Variants in TAF3 observed in about 807,000 individuals in gnomAD.
TAF3 encodes the protein TATA-box binding protein associated factor 3, also known as transcription initiation factor TFIID subunit 3.
TAF3 carries 7 observed loss-of-function variants against 80.6 expected under a neutral mutation model. The observed-to-expected ratio is 0.09, with a 90% CI of 0.05 to 0.16. TAF3 has a LOEUF of 0.16. Ranked by LOEUF, TAF3 falls within the 10% of genes least tolerant of loss-of-function variation. The pLI is 1.00. For missense variants in TAF3, 921 were observed against 1,140.2 expected, an observed-to-expected ratio of 0.81 and a Z score of 2.77; for synonymous variants, 444 against 446.1, an observed-to-expected ratio of 1.00 and a Z score of 0.06.
chr10:7,976,396 G>T (rs1373328664), intron 3 of TAF3, among the ~76,000 whole-genome samples: 1 of 150,302 alleles, frequency 6.7e-6, no homozygotes, highest in Non-Finnish European at 1.5e-5. Flanking sequence ...ACAGGCACCC[G>T]CCACCATGAC....
chr10:7,964,170 T>C lies in TAF3; in HGVS notation c.660T>C (p.Asn220=). The change falls in exon 3 of 7, where the codon AAT becomes AAC. Residue 220 remains asparagine (N), a synonymous_variant. Transcript: ENST00000344293. This position sits in a 1 kb window ranked among gnomAD's most constrained non-coding sequence, Gnocchi z 4.1. ...CTCGAGAGCCACTCAGCTCAATAAATACTCAAAAGATCCCACCAATGCTTT... is the reference window on the plus strand; with the variant it reads ...CTCGAGAGCCACTCAGCTCAATAAACACTCAAAAGATCCCACCAATGCTTT... ...LEAREPLSSI[N]TQKIPPMLSP... 3 of 1,614,150 alleles carry C rather than the reference T, an allele frequency of 1.9e-6. No individual in the cohort carries two copies. Among genetic ancestry groups the C allele is most frequent in the Non-Finnish European group, 2.5e-6 (3 of 1,180,024 alleles).
At chr10:7,957,302 A>C (rs1326239259) in intron 2 of TAF3, among the ~76,000 whole-genome samples, 5 of 152,128 alleles carry the variant, frequency 3.3e-5, no homozygotes, top group Admixed American at 1.3e-4. Context: ...TGGGGAGATT[A>C]GGGCAGACGG....
At chr10:8,001,731 C>G (rs911378929) in intron 4 of TAF3, among the ~76,000 whole-genome samples, 1 of 151,958 alleles carries the variant, frequency 6.6e-6, no homozygotes, top group South Asian at 2.1e-4. Flanking sequence ...ATTTTTAAGA[C>G]GTTTAGAATT....
intron 1 of TAF3, among the ~76,000 whole-genome samples, chr10:7,820,591 C>T (rs1836681355): frequency 6.6e-6 from 1 of 152,356 alleles, no homozygotes; most frequent in Non-Finnish European, 1.5e-5. Flanking sequence ...AACTTCAGGG[C>T]TCAAGTGATC....
intron 1 of TAF3, 130 bp downstream of exon 1, chr10:7,819,005 C>G: frequency 1.0e-6 from 1 of 962,628 alleles, no homozygotes; most frequent in Non-Finnish European, 1.4e-6. Context: ...TTTCCTCGGC[C>G]TCCCACGTCC....
intron 4 of TAF3, among the ~76,000 whole-genome samples, chr10:7,987,350 T>TA (rs2131425798): frequency 6.6e-6 from 1 of 152,256 alleles, no homozygotes; most frequent in East Asian, 1.9e-4. Context: ...AGAATTATCT[T>TA]ACACATACTG....
chr10:7,934,038 C>G (rs539199961), intron 2 of TAF3, among the ~76,000 whole-genome samples: 2 of 152,268 alleles, frequency 1.3e-5, no homozygotes, highest in East Asian at 3.9e-4. Context: ...TCATTGAGCA[C>G]AAAATGCCAC....
chr10:7,986,070 C>G (rs1015003200), intron 4 of TAF3, among the ~76,000 whole-genome samples: 2 of 152,134 alleles, frequency 1.3e-5, no homozygotes, highest in African/African-American at 4.8e-5. Context: ...AGGCATGAGC[C>G]CCCATGCCCA....
rs140360860 is a variant in TAF3, at chr10:7,893,688, C to T, written c.409+69128C>T. Among the ~76,000 whole-genome samples, 564 of 152,250 alleles carry T rather than the reference C, an allele frequency of 3.7e-3. 4 individuals carry two copies. The highest frequency in any genetic ancestry group is 0.02 in the South Asian group (95 of 4,822). ...CTTCTTATCATCCCTTTGCTTCTAG[C>T]GTAGGCCTGGCCTATCTGTGTATGC... On this transcript the variant is annotated intron_variant, in intron 2 of 6. Coordinates refer to ENST00000344293, the MANE Select transcript of TAF3 (RefSeq NM_031923.4).
chr10:7,983,440 A>G (rs1831746055), intron 4 of TAF3, among the ~76,000 whole-genome samples: 3 of 152,210 alleles, frequency 2.0e-5, no homozygotes, highest in South Asian at 4.1e-4. Flanking sequence ...TGGTTGGTGT[A>G]CAAAAGGATA....
In TAF3 at chr10:8,009,508, A is replaced by G. The variant is rs1240222339; in HGVS notation, c.2568+178A>G. ...CAGGCTGGAGTACAGTGGCCCAATC[A>G]TAGCTCACTGCAACCTCAAACTCCT... On this transcript the variant is annotated intron_variant, in intron 5 of 6. Transcript: ENST00000344293. The surrounding 1 kb of genome is among the most constrained non-coding windows in gnomAD (Gnocchi z 4.1). 6.6e-6 allele frequency among the ~76,000 whole-genome samples: 1 copy of G among 152,152 alleles called. No homozygotes were observed. Among genetic ancestry groups the G allele is most frequent in the Non-Finnish European group, 1.5e-5 (1 of 68,026 alleles).
chr10:7,841,730 A>C (rs540509270), intron 2 of TAF3, among the ~76,000 whole-genome samples: 2 of 152,322 alleles, frequency 1.3e-5, no homozygotes, highest in East Asian at 3.9e-4. Flanking sequence ...TGTGCTACAG[A>C]GAGGAGCCTA....
chr10:7,987,918 A>G (rs1302578383), intron 4 of TAF3, among the ~76,000 whole-genome samples: 2 of 152,184 alleles, frequency 1.3e-5, no homozygotes, highest in African/African-American at 2.4e-5. Context: ...GCTCCGTCTC[A>G]GGTGAGTTTT....
At chr10:7,864,086 T>C (rs1021013408) in intron 2 of TAF3, among the ~76,000 whole-genome samples, 12 of 152,252 alleles carry the variant, frequency 7.9e-5, no homozygotes, top group Middle Eastern at 3.4e-3. Flanking sequence ...TGACACATTA[T>C]TATTACCAGA....
chr10:7,933,362 T>G (rs540568785), intron 2 of TAF3, among the ~76,000 whole-genome samples: 6 of 152,202 alleles, frequency 3.9e-5, no homozygotes, highest in Non-Finnish European at 7.3e-5. Flanking sequence ...AGCAGTAGCT[T>G]CATGCATGGC....
intron 2 of TAF3, among the ~76,000 whole-genome samples, chr10:7,937,278 T>A (rs11255451): frequency 1.3e-5 from 2 of 152,040 alleles, no homozygotes; most frequent in East Asian, 1.9e-4. Flanking sequence ...CCTAATTGGC[T>A]GTATCATTTT....
At chr10:7,973,315 G>A (rs1313869226) in intron 3 of TAF3, among the ~76,000 whole-genome samples, 2 of 152,118 alleles carry the variant, frequency 1.3e-5, no homozygotes, top group South Asian at 2.1e-4. Flanking sequence ...TTTTAAAATC[G>A]AGCTTAAGAA....
At chr10:7,957,562 A>G (rs1838147610) in intron 2 of TAF3, among the ~76,000 whole-genome samples, 1 of 152,164 alleles carries the variant, frequency 6.6e-6, no homozygotes, top group South Asian at 2.1e-4. Context: ...GGTCTTATTG[A>G]TCAAGGAACT....
At position 7,886,150 on chromosome 10, in the gene TAF3, A is replaced by G. The variant is rs944569691; in HGVS notation, c.409+61590A>G. On this transcript the variant is annotated intron_variant, in intron 2 of 6. Transcript: ENST00000344293. ...CACTATGTTGCCTGGGCTGGTCTCA[A>G]ACTCCTTGGTTCAAGTGATCCTCCT... Among the ~76,000 whole-genome samples, 7 of 152,066 alleles carry G rather than the reference A, an allele frequency of 4.6e-5. 1 individual carries two copies. The highest frequency in any genetic ancestry group is 1.7e-4 in the African/African-American group (7 of 41,482).
Sources: gnomAD v4.1 joint callset for allele counts (sites outside exome capture counted in the v4.1 genomes callset) on GRCh38, gnomAD v4.1.1 for gene constraint, Gnocchi (gnomAD v3.1) non-coding constraint, MANE v1.5 for transcripts, NCBI Gene and HGNC (gene_info 2026-07-23, HGNC 2026-07-21) for gene names.